Variants in PDE3A observed in about 807,000 individuals in gnomAD.
PDE3A encodes cGMP-inhibited 3',5'-cyclic phosphodiesterase 3A.
In PDE3A, 43 loss-of-function variants were observed where a neutral mutation model predicts 98.3. The ratio of observed to expected loss-of-function variants is 0.44; its 90% CI spans 0.34 to 0.56. The LOEUF (loss-of-function observed/expected upper bound fraction) is 0.56, where lower values mean the gene tolerates loss of function less well. Among genes scored for constraint, PDE3A ranks in the 20% least tolerant of loss-of-function variants. The pLI, the probability that PDE3A is intolerant of heterozygous loss-of-function variation, is 0.01. For synonymous variants in PDE3A, 663 were observed against 567.9 expected (o/e 1.17, Z -2.38); for missense variants, 1,427 against 1,440.7 (o/e 0.99, Z 0.15).
At chr12:20,621,493 T>G (rs1379693765) in intron 5 of PDE3A, 82 bp downstream of exon 5, 1 of 749,416 alleles carries the variant, frequency 1.3e-6, no homozygotes, top group East Asian at 2.6e-5. Context: ...TGAAATATTC[T>G]GAGGGTGCCC....
intron 1 of PDE3A, among the ~76,000 whole-genome samples, chr12:20,469,288 T>A (rs1262325356): frequency 6.6e-6 from 1 of 152,176 alleles, no homozygotes; most frequent in Non-Finnish European, 1.5e-5. Context: ...GTTACTTGGG[T>A]GAAACATCCA....
chr12:20,523,044 T>C (rs1166706326), intron 1 of PDE3A, among the ~76,000 whole-genome samples: 2 of 151,392 alleles, frequency 1.3e-5, no homozygotes, highest in Non-Finnish European at 2.9e-5. Flanking sequence ...AAATACCAAG[T>C]CCTGGGGTAT....
intron 1 of PDE3A, among the ~76,000 whole-genome samples, chr12:20,407,210 G>A (rs1348579): frequency 0.63 from 96,367 of 152,126 alleles, 31,907 homozygotes; most frequent in East Asian, 0.88. Context: ...TCTATTTAAT[G>A]GGTACAATAT....
chr12:20,650,290 G>A (rs1944886844), intron 13 of PDE3A, among the ~76,000 whole-genome samples, 155 bp from the exon 14 acceptor site: 1 of 152,018 alleles, frequency 6.6e-6, no homozygotes, highest in Non-Finnish European at 1.5e-5. Flanking sequence ...AATTTACACA[G>A]CCAATAACAT....
At chr12:20,584,429 T>C (rs1352759570) in intron 2 of PDE3A, among the ~76,000 whole-genome samples, 1 of 152,174 alleles carries the variant, frequency 6.6e-6, no homozygotes, top group Non-Finnish European at 1.5e-5. Context: ...ACCTCCAGAA[T>C]GTTTCTATTT....
intron 15 of PDE3A, among the ~76,000 whole-genome samples, chr12:20,667,099 C>T (rs1344448012): frequency 6.6e-6 from 1 of 152,096 alleles, no homozygotes; most frequent in Non-Finnish European, 1.5e-5. Context: ...TATTCATGTC[C>T]TTGCCCACTT....
At chr12:20,584,808 A>G (rs899647718) in intron 2 of PDE3A, among the ~76,000 whole-genome samples, 2 of 151,756 alleles carry the variant, frequency 1.3e-5, no homozygotes, top group Non-Finnish European at 2.9e-5. Flanking sequence ...GGCAATTTTC[A>G]TTTTTTTTAT....
At chr12:20,464,195 T>A (rs10841541) in intron 1 of PDE3A, among the ~76,000 whole-genome samples, 40,823 of 152,016 alleles carry the variant, frequency 0.27, 7,178 homozygotes, top group East Asian at 0.68. Flanking sequence ...TGATGGGAAA[T>A]GTTATTGCCC....
chr12:20,436,108 G>A (rs1944774991), intron 1 of PDE3A, among the ~76,000 whole-genome samples: 1 of 152,080 alleles, frequency 6.6e-6, no homozygotes, highest in African/African-American at 2.4e-5. Context: ...CAGGGTCTCA[G>A]GTTCCACTCC....
chr12:20,611,512 G>A (rs1943853672), intron 2 of PDE3A, among the ~76,000 whole-genome samples: 1 of 151,764 alleles, frequency 6.6e-6, no homozygotes, highest in Non-Finnish European at 1.5e-5. Flanking sequence ...CTTTCCACCT[G>A]TCTGATTTTG....
chr12:20,624,537 A>G (rs1470967111), intron 5 of PDE3A, among the ~76,000 whole-genome samples: 2 of 152,206 alleles, frequency 1.3e-5, no homozygotes, highest in Non-Finnish European at 2.9e-5. Context: ...CCACAGGCAT[A>G]GCAAGAGCCC....
At chr12:20,377,784 G>A (rs2120526533) in intron 1 of PDE3A, among the ~76,000 whole-genome samples, 2 of 151,624 alleles carry the variant, frequency 1.3e-5, no homozygotes, top group South Asian at 2.1e-4. Flanking sequence ...CTTAATAAAA[G>A]ACCTTTATAT....
At chr12:20,634,180 T>C (rs972535674) in intron 7 of PDE3A, among the ~76,000 whole-genome samples, 1 of 152,164 alleles carries the variant, frequency 6.6e-6, no homozygotes, top group South Asian at 2.1e-4. Context: ...TATATAGAAC[T>C]ATATAGAAAT....
intron 1 of PDE3A, among the ~76,000 whole-genome samples, chr12:20,455,775 T>G (rs1945142670): frequency 6.6e-6 from 1 of 152,110 alleles, no homozygotes; most frequent in Non-Finnish European, 1.5e-5. Context: ...TGTTTTTGAG[T>G]ATTCAAAAAC....
intron 15 of PDE3A, among the ~76,000 whole-genome samples, chr12:20,669,857 T>G (rs1457975961): frequency 1.1e-4 from 16 of 151,444 alleles, no homozygotes; most frequent in African/African-American, 3.2e-4. Flanking sequence ...CAATATTAAC[T>G]TTAAATGTAA....
intron 2 of PDE3A, among the ~76,000 whole-genome samples, chr12:20,566,344 T>G (rs1295079734): frequency 6.6e-6 from 1 of 152,000 alleles, no homozygotes; most frequent in Non-Finnish European, 1.5e-5. Context: ...GTTTGCTCGC[T>G]GAGTTCTGTG....
At chr12:20,416,038 G>T (rs1944417024) in intron 1 of PDE3A, among the ~76,000 whole-genome samples, 1 of 152,170 alleles carries the variant, frequency 6.6e-6, no homozygotes, top group Non-Finnish European at 1.5e-5. Flanking sequence ...GATCTAAAAT[G>T]AATACATGGT....
chr12:20,630,226 C>T, intron 6 of PDE3A, 99 bp downstream of exon 6: 1 of 812,188 alleles, frequency 1.2e-6, no homozygotes. Flanking sequence ...GGTAGGTTTG[C>T]CAAAGTATTA....
chr12:20,400,495 C>T (rs1043221574), intron 1 of PDE3A, among the ~76,000 whole-genome samples: 1 of 147,764 alleles, frequency 6.8e-6, no homozygotes, highest in Non-Finnish European at 1.5e-5. Context: ...CAAGCTCCAC[C>T]TCCCTGGTTC....
Sources: gnomAD v4.1 joint callset for allele counts (sites outside exome capture counted in the v4.1 genomes callset) on GRCh38, gnomAD v4.1.1 for gene constraint, MANE v1.5 for transcripts, NCBI Gene and HGNC (gene_info 2026-07-23, HGNC 2026-07-21) for gene names.